The following UBE2A variants were observed in gnomAD, a reference collection of about 807,000 sequenced individuals.
UBE2A encodes ubiquitin-conjugating enzyme E2 A.
For missense variants in UBE2A, 27 were observed against 125.8 expected (o/e 0.21, Z 3.76); for synonymous variants, 39 against 41.1 (o/e 0.95, Z 0.20).
chrX:119,580,185 G>A (rs968875160), intron 3 of UBE2A: 3 of 111,762 alleles, frequency 2.7e-5, no homozygotes, highest in Non-Finnish European at 3.8e-5. Context: ...GGAATATAAT[G>A]TCTCTGTATG....
At position 119,583,987 on chromosome X, in the gene UBE2A, C is replaced by T. The variant is rs1186343831; in HGVS notation, c.*732C>T. On this transcript the variant is annotated 3_prime_UTR_variant, in exon 6 of 6. Transcript: ENST00000371558. ...GTGGGAGCAGAGGAATGGAAACAAT[C>T]GTGAGTTTTTGAGCTAGGGAAAGTT... 3.6e-5 allele frequency: 4 copies of T among 112,337 alleles called. No individual in the cohort carries two copies. Among genetic ancestry groups the T allele is most frequent in the South Asian group, 3.6e-4 (1 of 2,744 alleles). 9.3% of individuals were successfully genotyped at this position (112,337 alleles called of 1,213,427 possible). A position where few individuals can be genotyped will look rare whatever the true frequency, so the allele number is the denominator to read the frequency against.
intron 3 of UBE2A, among the ~76,000 whole-genome samples, chrX:119,578,570 A>G (rs1429677489): frequency 5.4e-5 from 6 of 111,877 alleles, no homozygotes; most frequent in Non-Finnish European, 1.1e-4. Context: ...CATCAAAAAT[A>G]ATTTTGAAGT....
intron 3 of UBE2A, chrX:119,581,233 T>C: frequency 4.7e-6 from 1 of 213,713 alleles, no homozygotes; most frequent in Non-Finnish European, 8.5e-6. Flanking sequence ...AAGGATGTTT[T>C]CAAAATGTAC....
At chrX:119,574,785 G>T in intron 1 of UBE2A, 30 bp downstream of exon 1, 1 of 1,184,038 alleles carries the variant, frequency 8.4e-7, no homozygotes, top group Non-Finnish European at 1.1e-6. Flanking sequence ...GAGGCCGGGG[G>T]TTGCGAGCTG....
rs1248319119 is a variant in UBE2A, at chrX:119,574,686, G to A, written c.-26G>A. Reference sequence around the variant, plus strand: ...GCGGGAACCCGAGACCCCAGTGTATGCCCCACCCCTGACCCCGCTCGCGAC... The same window carrying A: ...GCGGGAACCCGAGACCCCAGTGTATACCCCACCCCTGACCCCGCTCGCGAC... On this transcript the variant is annotated 5_prime_UTR_variant, in exon 1 of 6. It removes an upstream start codon present in the reference 5' UTR. Transcript: ENST00000371558. The A allele has an allele frequency of 1.7e-6, 2 of 1,191,758 alleles. No individual in the cohort carries two copies. Among genetic ancestry groups the A allele is most frequent in the African/African-American group, 1.7e-5 (1 of 57,510 alleles).
chrX:119,582,549 G>T (rs1399541854), intron 4 of UBE2A, 39 bp from the exon 5 acceptor site: 3 of 1,029,590 alleles, frequency 2.9e-6, no homozygotes, highest in East Asian at 6.1e-5. Flanking sequence ...AACCTTAGTG[G>T]TCTTGTTACG....
intron 3 of UBE2A, among the ~76,000 whole-genome samples, chrX:119,578,849 G>A (rs1026046065): frequency 2.7e-5 from 3 of 111,680 alleles, no homozygotes; most frequent in African/African-American, 9.8e-5. Flanking sequence ...GCCTCCTCGG[G>A]AAGATGAACA....
chrX:119,577,908 C>G (rs1006171160), intron 3 of UBE2A, among the ~76,000 whole-genome samples: 2 of 111,066 alleles, frequency 1.8e-5, no homozygotes, highest in South Asian at 3.8e-4. Flanking sequence ...TCCCAAAGTG[C>G]TATGATTACA....
chrX:119,574,851 G>A (rs2053403498), intron 1 of UBE2A, 50 bp from the exon 2 acceptor site: 1 of 1,204,494 alleles, frequency 8.3e-7, no homozygotes, highest in African/African-American at 1.7e-5. Context: ...GAGCGGCCGG[G>A]AGCGGGCGCC....
Position 119,583,400 on chromosome X carries a change from C to A in UBE2A, c.*145C>A. On this transcript the variant is annotated 3_prime_UTR_variant, in exon 6 of 6. Coordinates refer to ENST00000371558, the MANE Select transcript of UBE2A (RefSeq NM_003336.4). Reference sequence around the variant, plus strand: ...CCATCTTCCTTGCCAAGTTTTCCTACCCCTTCTACCCTCTCCTTAAACATC... The same window carrying A: ...CCATCTTCCTTGCCAAGTTTTCCTAACCCTTCTACCCTCTCCTTAAACATC... 2 of 819,341 alleles carry A rather than the reference C, an allele frequency of 2.4e-6. No individual in the cohort carries two copies. Among genetic ancestry groups the A allele is most frequent in the Non-Finnish European group, 3.5e-6 (2 of 567,980 alleles). 67.5% of individuals were successfully genotyped at this position (819,341 alleles called of 1,213,427 possible). A position where few individuals can be genotyped will look rare whatever the true frequency, so the allele number is the denominator to read the frequency against.
At position 119,575,207 on chromosome X, in the gene UBE2A, A is replaced by G. The variant is rs2053407502; in HGVS notation, c.126-168A>G. The G allele has an allele frequency of 3.8e-6, 3 of 787,323 alleles. No individual in the cohort carries two copies. In the Middle Eastern group the frequency reaches 1.3e-3, roughly 343 times the overall value. The allele number at this position is 787,323 out of a possible 1,213,427, so 64.9% of individuals were successfully genotyped here. A position where few individuals can be genotyped will look rare whatever the true frequency, so the allele number is the denominator to read the frequency against. On this transcript the variant is annotated intron_variant, in intron 2 of 5. Transcript: ENST00000371558. Reference sequence around the variant, plus strand: ...GGCGGGGCGGGGAGTGGTGGCGGTTAGGCGCGGCGGCTTGCCCTGTGTCTC... The same window carrying G: ...GGCGGGGCGGGGAGTGGTGGCGGTTGGGCGCGGCGGCTTGCCCTGTGTCTC...
At chrX:119,582,977 C>T in intron 5 of UBE2A, 150 bp from the exon 6 acceptor site, 7 of 678,315 alleles carry the variant, frequency 1.0e-5, no homozygotes, top group Non-Finnish European at 1.5e-5. Context: ...CATATATTTT[C>T]CTAGCTACTA....
At position 119,574,641 on chromosome X, in the gene UBE2A, C is replaced by T; in HGVS notation, c.-71C>T. 8.7e-7 allele frequency: 1 copy of T among 1,149,709 alleles called. No individual in the cohort carries two copies. The highest frequency in any genetic ancestry group is 1.2e-6 in the Non-Finnish European group (1 of 858,221). The allele number at this position is 1,149,709 out of a possible 1,213,427, so 94.7% of individuals were successfully genotyped here. On this transcript the variant is annotated 5_prime_UTR_variant, in exon 1 of 6. Transcript: ENST00000371558. ...TCCCCTTCTCCTGCTTCTCCAGCCT[C>T]TTCGGCCTCCTCGCCCGCCGCGGGA...
chrX:119,582,826 A>C (rs2053458576), intron 5 of UBE2A, 150 bp downstream of exon 5: 1 of 559,573 alleles, frequency 1.8e-6, no homozygotes, highest in Non-Finnish European at 2.9e-6. Flanking sequence ...ATTAAGACCC[A>C]AGTCAGCTGG....
chrX:119,580,083 G>A (rs2032760053), intron 3 of UBE2A, among the ~76,000 whole-genome samples: 1 of 111,631 alleles, frequency 9.0e-6, no homozygotes, highest in African/African-American at 3.3e-5. Flanking sequence ...GCATATGTTT[G>A]TCCATTCCAT....
Position 119,576,921 on chromosome X carries a change from GTT to G in UBE2A, c.151+1526_151+1527del, listed in dbSNP as rs2053419495. 4 of 111,810 alleles carry G rather than the reference GTT, an allele frequency of 3.6e-5. No homozygotes were observed. In the Admixed American group the frequency reaches 3.8e-4, roughly 11 times the overall value. The allele number at this position is 111,810 out of a possible 1,213,427, so 9.2% of individuals were successfully genotyped here. A position where few individuals can be genotyped will look rare whatever the true frequency, so the allele number is the denominator to read the frequency against. Reference sequence around the variant, plus strand: ...TTGGCACTAGTTTTTTTGTTTGTTTGTTTTTTGTTTTTGTTTTTTTGAGACGG... The same window carrying G: ...TTGGCACTAGTTTTTTTGTTTGTTTGTTTTGTTTTTGTTTTTTTGAGACGG... On this transcript the variant is annotated intron_variant, in intron 3 of 5. Transcript: ENST00000371558.
At position 119,582,759 on chromosome X, in the gene UBE2A, A is replaced by G. The variant is rs945793197; in HGVS notation, c.330+83A>G. 33 of 798,037 alleles carry G rather than the reference A, an allele frequency of 4.1e-5. 1 individual carries two copies. The Admixed American group carries it at 7.1e-4, about 17-fold the overall frequency. 65.8% of individuals were successfully genotyped at this position (798,037 alleles called of 1,213,427 possible). A position where few individuals can be genotyped will look rare whatever the true frequency, so the allele number is the denominator to read the frequency against. ...GAATTGTTTTTGAAAGTCATAATGT[A>G]ATAGATCTTTTTATTTTTGGTCAAA... On this transcript the variant is annotated intron_variant, in intron 5 of 5. Transcript: ENST00000371558.
chrX:119,578,098 C>T (rs917288099), intron 3 of UBE2A, among the ~76,000 whole-genome samples: 15 of 111,526 alleles, frequency 1.3e-4, no homozygotes, highest in Non-Finnish European at 2.8e-4. Context: ...TTGTTGTAAA[C>T]CGTTCGTTAT....
intron 3 of UBE2A, among the ~76,000 whole-genome samples, chrX:119,579,031 G>A (rs1365720433): frequency 1.8e-5 from 2 of 111,809 alleles, no homozygotes; most frequent in African/African-American, 6.5e-5. Context: ...TTACATTGAA[G>A]GTTATACTAA....
Sources: gnomAD v4.1 joint callset for allele counts (sites outside exome capture counted in the v4.1 genomes callset) on GRCh38, gnomAD v4.1.1 for gene constraint, MANE v1.5 for transcripts, NCBI Gene and HGNC (gene_info 2026-07-23, HGNC 2026-07-21) for gene names.